MTRFR: variants seen among roughly 807,000 people sequenced by gnomAD.
MTRFR encodes probable peptide chain release factor C12orf65, mitochondrial.
MTRFR carries 10 observed loss-of-function variants against 11.9 expected under a neutral mutation model. The ratio of observed to expected loss-of-function variants is 0.84; its 90% CI spans 0.52 to 1.42. The LOEUF (loss-of-function observed/expected upper bound fraction) is 1.42, where lower values mean the gene tolerates loss of function less well. MTRFR is among the 40% of genes most tolerant of loss of function. The probability of loss-of-function intolerance (pLI) is 0.00; values close to 1 mark genes in which losing one functional copy is unlikely to be tolerated. For synonymous variants in MTRFR, 77 were observed against 79.1 expected (o/e 0.97, Z 0.14); for missense variants, 196 against 197.9 (o/e 0.99, Z 0.06).
chr12:123,247,348 A>G (rs1404869280), intron 1 of MTRFR, among the ~76,000 whole-genome samples: 3 of 152,100 alleles, frequency 2.0e-5, no homozygotes, highest in Non-Finnish European at 4.4e-5. Flanking sequence ...TTAGGTTCAT[A>G]TATGTTTAGG....
chr12:123,238,519 C>G (rs1014521427), intron 1 of MTRFR, among the ~76,000 whole-genome samples: 1 of 151,998 alleles, frequency 6.6e-6, no homozygotes. Flanking sequence ...GACTGTAATC[C>G]CAGCACTTTT....
At chr12:123,244,930 A>ATCTTTTTTT (rs2048013254) in intron 1 of MTRFR, among the ~76,000 whole-genome samples, 1 of 65,098 alleles carries the variant, frequency 1.5e-5, no homozygotes, top group Non-Finnish European at 2.5e-5. Flanking sequence ...CGCACCCGGC[A>ATCTTTTTTT]TTTTTTTTTT....
chr12:123,254,285 G>C (rs2048156694), intron 2 of MTRFR: 1 of 305,196 alleles, frequency 3.3e-6, no homozygotes, highest in African/African-American at 2.1e-5. Context: ...GCTAAGCAGT[G>C]GCTGATAAAG....
intron 1 of MTRFR, among the ~76,000 whole-genome samples, chr12:123,235,455 C>T (rs1224783326): frequency 1.3e-5 from 2 of 152,038 alleles, no homozygotes; most frequent in East Asian, 3.9e-4. Context: ...AGCTCCGCCC[C>T]CCAGGTTCAC....
Position 123,253,725 on chromosome 12 carries a change from C to G in MTRFR, c.51C>G (p.Cys17Trp). 1 of 1,614,172 alleles carries G rather than the reference C, an allele frequency of 6.2e-7. No individual in the cohort carries two copies. Among genetic ancestry groups the G allele is most frequent in the Non-Finnish European group, 8.5e-7 (1 of 1,180,038 alleles). ...FHFPTPLTRI[C>W]PAPWGLRLWE... ...TTCCTACACCACTGACCCGAATATGCCCGGCGCCATGGGGACTCCGGCTTT... is the reference window on the plus strand; with the variant it reads ...TTCCTACACCACTGACCCGAATATGGCCGGCGCCATGGGGACTCCGGCTTT... Residue 17 changes from cysteine (C) to tryptophan (W), a missense_variant, in exon 2 of 3, where the codon TGC (cysteine) becomes TGG (tryptophan). Cys to Trp is a radical substitution (Grantham distance 215). Coordinates refer to ENST00000253233, the MANE Select transcript of MTRFR (RefSeq NM_152269.5).
chr12:123,246,743 T>G, intron 1 of MTRFR, among the ~76,000 whole-genome samples: 3 of 42,456 alleles, frequency 7.1e-5, no homozygotes, highest in African/African-American at 1.4e-4. Context: ...TTTTTTTTTT[T>G]TTTTTGAGAT....
chr12:123,237,322 C>T (rs1168777494), intron 1 of MTRFR, among the ~76,000 whole-genome samples: 1 of 151,972 alleles, frequency 6.6e-6, no homozygotes, highest in African/African-American at 2.4e-5. Flanking sequence ...CCCAGATACT[C>T]AGGAGGCTGA....
intron 1 of MTRFR, among the ~76,000 whole-genome samples, chr12:123,240,101 C>T (rs866528041): frequency 2.0e-5 from 3 of 151,472 alleles, no homozygotes; most frequent in South Asian, 2.1e-4. Context: ...AGGTGGCTCA[C>T]GCCTGTAATC....
intron 1 of MTRFR, among the ~76,000 whole-genome samples, chr12:123,245,636 TTTG>T (rs757262689): frequency 2.5e-4 from 38 of 152,164 alleles, no homozygotes; most frequent in African/African-American, 4.8e-4. Context: ...GTTTTTGTTT[TTTG>T]TTGTTGTTGT....
intron 1 of MTRFR, among the ~76,000 whole-genome samples, chr12:123,247,721 G>A (rs970859538): frequency 3.3e-5 from 5 of 152,116 alleles, no homozygotes; most frequent in Admixed American, 2.0e-4. Flanking sequence ...CAAGGTGGGC[G>A]GATCATGAGG....
Position 123,257,255 on chromosome 12 carries a change from C to A in MTRFR, c.*224C>A, listed in dbSNP as rs1045142405. 3.2e-5 allele frequency: 16 copies of A among 501,936 alleles called. No individual in the cohort carries two copies. Among genetic ancestry groups the A allele is most frequent in the African/African-American group, 3.1e-4 (16 of 51,682 alleles). 31.1% of individuals were successfully genotyped at this position (501,936 alleles called of 1,614,324 possible). A position where few individuals can be genotyped will look rare whatever the true frequency, so the allele number is the denominator to read the frequency against. Reference sequence around the variant, plus strand: ...GGGCACGGTGGACGGTGCCTCACATCTGTAATCCCAGCACTTTGGGAGGCC... The same window carrying A: ...GGGCACGGTGGACGGTGCCTCACATATGTAATCCCAGCACTTTGGGAGGCC... On this transcript the variant is annotated 3_prime_UTR_variant, in exon 3 of 3. Coordinates refer to ENST00000253233, the MANE Select transcript of MTRFR (RefSeq NM_152269.5).
chr12:123,250,620 G>C (rs535612077), intron 1 of MTRFR: 4 of 152,130 alleles, frequency 2.6e-5, no homozygotes, highest in Non-Finnish European at 5.9e-5. Flanking sequence ...AGTGATTGTT[G>C]TCTCTCTTCT....
At chr12:123,256,413 A>C (rs1346896319) in intron 2 of MTRFR, among the ~76,000 whole-genome samples, 1 of 152,206 alleles carries the variant, frequency 6.6e-6, no homozygotes, top group Non-Finnish European at 1.5e-5. Flanking sequence ...GCTGGTCTTC[A>C]CTGTCACTGA....
chr12:123,233,265 T>G (rs2047753913), upstream of MTRFR: 1 of 152,208 alleles, frequency 6.6e-6, no homozygotes, highest in Non-Finnish European at 1.5e-5. Context: ...AAGAGAGACA[T>G]CCAACCCCGG....
At chr12:123,233,371 C>G (rs1029942609), upstream of MTRFR, 2 of 152,290 alleles carry the variant, frequency 1.3e-5, no homozygotes, top group African/African-American at 4.8e-5. Flanking sequence ...GCTTCAGTTT[C>G]TCGCATGCGC....
chr12:123,241,795 A>C (rs1276095262), intron 1 of MTRFR, among the ~76,000 whole-genome samples: 2 of 152,232 alleles, frequency 1.3e-5, no homozygotes, highest in Non-Finnish European at 2.9e-5. Context: ...AGAGTTGAAC[A>C]TGCCATCCCT....
chr12:123,235,892 C>T (rs376064543), intron 1 of MTRFR, among the ~76,000 whole-genome samples: 1 of 151,648 alleles, frequency 6.6e-6, no homozygotes, highest in Non-Finnish European at 1.5e-5. Flanking sequence ...GGTGAAACCC[C>T]ATCTGGGCTA....
chr12:123,241,493 C>G (rs144761997), intron 1 of MTRFR, among the ~76,000 whole-genome samples: 5 of 151,966 alleles, frequency 3.3e-5, no homozygotes, highest in Non-Finnish European at 7.4e-5. Flanking sequence ...TGCCCACTAC[C>G]ACCCCCAGCT....
chr12:123,249,723 G>C (rs944252778), intron 1 of MTRFR: 1 of 152,490 alleles, frequency 6.6e-6, no homozygotes, highest in African/African-American at 2.4e-5. Flanking sequence ...GGCTTCCACA[G>C]TGCAGCGGCG....
Sources: gnomAD v4.1 joint callset for allele counts (sites outside exome capture counted in the v4.1 genomes callset) on GRCh38, gnomAD v4.1.1 for gene constraint, MANE v1.5 for transcripts, NCBI Gene and HGNC (gene_info 2026-07-23, HGNC 2026-07-21) for gene names.